PTDSS1: variants seen among roughly 807,000 people sequenced by gnomAD.
PTDSS1 encodes the protein phosphatidylserine synthase 1, also known as PSS-1.
A neutral mutation model predicts 70.5 loss-of-function variants in PTDSS1; 45 were observed. The observed-to-expected ratio is 0.64, with a 90% CI of 0.50 to 0.82. PTDSS1 has a LOEUF of 0.82. PTDSS1 is among the 40% of genes least tolerant of loss of function. The pLI is 0.00. For synonymous variants in PTDSS1, 188 were observed against 203.8 expected, an observed-to-expected ratio of 0.92 and a Z score of 0.66; for missense variants, 417 against 586.1, an observed-to-expected ratio of 0.71 and a Z score of 2.98.
At position 96,320,297 on chromosome 8, in the gene PTDSS1, C is replaced by G. The variant is rs1208833096; in HGVS notation, c.1125C>G (p.Leu375=). 1.9e-6 allele frequency: 3 copies of G among 1,613,516 alleles called. No homozygotes were observed. Among genetic ancestry groups the G allele is most frequent in the Non-Finnish European group, 1.7e-6 (2 of 1,179,562 alleles). ...AIVCIKFGQD[L]FSKTQILYVV... ...TTTGCATAAAATTTGGACAAGATCT[C>G]TTCTCTAAGACCCAAATACTCTATG... The change falls in exon 10 of 13, where the codon CTC becomes CTG. Residue 375 remains leucine (L), a synonymous_variant. Transcript: ENST00000517309.
chr8:96,335,726 AG>A lies in PTDSS1; in HGVS notation c.*2161del, dbSNP rs1298283246. ...TCTTTACTATAGTAGTTACAAAACCAGTGCTTTCCATGGCTGGCCAGAACCA... is the reference window on the plus strand; with the variant it reads ...TCTTTACTATAGTAGTTACAAAACCATGCTTTCCATGGCTGGCCAGAACCA... On this transcript the variant is annotated 3_prime_UTR_variant, in exon 13 of 13. Coordinates refer to ENST00000517309, the MANE Select transcript of PTDSS1 (RefSeq NM_014754.3). 9.2e-5 allele frequency: 14 copies of A among 152,218 alleles called. No individual in the cohort carries two copies. Among genetic ancestry groups the A allele is most frequent in the Admixed American group, 2.6e-4 (4 of 15,284 alleles). 9.4% of individuals were successfully genotyped at this position (152,218 alleles called of 1,614,324 possible). A position where few individuals can be genotyped will look rare whatever the true frequency, so the allele number is the denominator to read the frequency against.
chr8:96,285,161 G>A (rs1810803802), intron 3 of PTDSS1, among the ~76,000 whole-genome samples: 2 of 152,266 alleles, frequency 1.3e-5, no homozygotes, highest in African/African-American at 4.8e-5. Context: ...TTAGCTTGAG[G>A]AGTGATGGGA....
chr8:96,299,826 T>TA lies in PTDSS1; in HGVS notation c.734dup (p.Tyr245Ter). The change falls in exon 6 of 13, where the codon TAC (tyrosine) becomes TAAC (stop). Residue 245 changes from tyrosine (Y) to a stop codon, truncating the protein, a stop_gained and frameshift_variant. Transcript: ENST00000517309. LOFTEE classifies it high-confidence loss of function. ...VVCRFLEMRT[Y>*]HWASFKDIHT... ...TTGCCGGTTTTTAGAGATGAGGACTTACCACTGGGCAAGCTTCAAGTGAGT... is the reference window on the plus strand; with the variant it reads ...TTGCCGGTTTTTAGAGATGAGGACTTAACCACTGGGCAAGCTTCAAGTGAGT... The TA allele has an allele frequency of 6.2e-7, 1 of 1,613,424 alleles. No individual in the cohort carries two copies. Among genetic ancestry groups the TA allele is most frequent in the Non-Finnish European group, 8.5e-7 (1 of 1,179,864 alleles).
intron 6 of PTDSS1, among the ~76,000 whole-genome samples, chr8:96,300,290 T>G (rs951076096): frequency 2.0e-5 from 3 of 152,264 alleles, no homozygotes; most frequent in East Asian, 3.9e-4. Context: ...TCTTTGGTCA[T>G]GGTCAATACA....
intron 5 of PTDSS1, among the ~76,000 whole-genome samples, chr8:96,296,228 T>G (rs991100222): frequency 7.4e-6 from 1 of 135,134 alleles, no homozygotes; most frequent in Non-Finnish European, 1.5e-5. Context: ...AAGCTCCGCC[T>G]CCTGGGTTCA....
chr8:96,299,827 A>G lies in PTDSS1; in HGVS notation c.734A>G (p.Tyr245Cys). ...TGCCGGTTTTTAGAGATGAGGACTTACCACTGGGCAAGCTTCAAGTGAGTT... is the reference window on the plus strand; with the variant it reads ...TGCCGGTTTTTAGAGATGAGGACTTGCCACTGGGCAAGCTTCAAGTGAGTT... ...VVCRFLEMRT[Y>C]HWASFKDIHT... The change falls in exon 6 of 13, where the codon TAC becomes TGC. Residue 245 changes from tyrosine to cysteine, a missense_variant. Around this residue, in one of 3 missense-constraint regions of PTDSS1, gnomAD observed 272 missense variants for 429.5 expected, o/e 0.63. Coordinates refer to ENST00000517309, the MANE Select transcript of PTDSS1 (RefSeq NM_014754.3). 1 of 1,612,826 alleles carries G rather than the reference A, an allele frequency of 6.2e-7. No homozygotes were observed. Among genetic ancestry groups the G allele is most frequent in the Non-Finnish European group, 8.5e-7 (1 of 1,179,736 alleles).
intron 6 of PTDSS1, among the ~76,000 whole-genome samples, chr8:96,301,763 G>A (rs949004307): frequency 2.0e-5 from 3 of 151,598 alleles, no homozygotes; most frequent in African/African-American, 4.8e-5. Flanking sequence ...TGATCCGCCC[G>A]CCTCAGCCTC....
chr8:96,275,871 AT>A (rs886409910), intron 2 of PTDSS1, among the ~76,000 whole-genome samples: 5 of 152,180 alleles, frequency 3.3e-5, no homozygotes, highest in African/African-American at 1.2e-4. Context: ...TGCCATGACC[AT>A]TATTGGTCTG....
At chr8:96,276,989 CA>C (rs1810657566) in intron 2 of PTDSS1, among the ~76,000 whole-genome samples, 1 of 151,172 alleles carries the variant, frequency 6.6e-6, no homozygotes, top group Non-Finnish European at 1.5e-5. Flanking sequence ...CGCACACACA[CA>C]CACACACACA....
At chr8:96,272,924 C>T (rs1191058375) in intron 1 of PTDSS1, among the ~76,000 whole-genome samples, 1 of 152,162 alleles carries the variant, frequency 6.6e-6, no homozygotes, top group Non-Finnish European at 1.5e-5. Flanking sequence ...AGCCAGAAGG[C>T]ATCACAGGTA....
In PTDSS1 at chr8:96,262,927, C is replaced by T. The variant is rs1044177617; in HGVS notation, c.179+708C>T. 1.4e-4 allele frequency among the ~76,000 whole-genome samples: 21 copies of T among 152,172 alleles called. No individual in the cohort carries two copies. The highest frequency in any genetic ancestry group is 5.1e-4 in the African/African-American group (21 of 41,424). On this transcript the variant is annotated intron_variant, in intron 1 of 12. Coordinates refer to ENST00000517309, the MANE Select transcript of PTDSS1 (RefSeq NM_014754.3). The surrounding 1 kb of genome is among the most constrained non-coding windows in gnomAD (Gnocchi z 4.4). ...CTTTCCTTTCCAGCACAGCCCAATA[C>T]CCATCATCTGTGTACATGGCTGCAC...
intron 7 of PTDSS1, among the ~76,000 whole-genome samples, chr8:96,305,473 G>T (rs79093443): frequency 6.6e-6 from 1 of 152,054 alleles, no homozygotes; most frequent in Non-Finnish European, 1.5e-5. Flanking sequence ...GAGCAGCCAC[G>T]TCCCAGCCAC....
At chr8:96,310,905 A>G (rs1393494486) in intron 9 of PTDSS1, among the ~76,000 whole-genome samples, 1 of 151,928 alleles carries the variant, frequency 6.6e-6, no homozygotes, top group African/African-American at 2.4e-5. Flanking sequence ...AGCTGGGACT[A>G]CAGGCGCGTG....
chr8:96,309,483 C>T, intron 8 of PTDSS1, 74 bp from the exon 9 acceptor site: 1 of 1,410,364 alleles, frequency 7.1e-7, no homozygotes, highest in Non-Finnish European at 1.0e-6. Flanking sequence ...TTTACTTTGT[C>T]AAAGTGATTT....
At chr8:96,316,863 A>G (rs902068011) in intron 9 of PTDSS1, among the ~76,000 whole-genome samples, 8 of 151,926 alleles carry the variant, frequency 5.3e-5, no homozygotes, top group African/African-American at 1.9e-4. Flanking sequence ...GTGTGGTGGC[A>G]CACGCCTGTA....
At chr8:96,275,353 G>A (rs549057504) in intron 2 of PTDSS1, among the ~76,000 whole-genome samples, 1 of 152,198 alleles carries the variant, frequency 6.6e-6, no homozygotes, top group East Asian at 1.9e-4. Flanking sequence ...TAGAGATGGG[G>A]TCTCACTATG....
intron 6 of PTDSS1, 44 bp downstream of exon 6, chr8:96,299,889 T>C (rs1811028122): frequency 3.2e-6 from 5 of 1,570,358 alleles, no homozygotes; most frequent in Non-Finnish European, 8.6e-7. Flanking sequence ...TTTTTCATGA[T>C]ATATATTTAA....
At chr8:96,286,439 A>C (rs1810823607) in intron 3 of PTDSS1, among the ~76,000 whole-genome samples, 1 of 152,192 alleles carries the variant, frequency 6.6e-6, no homozygotes, top group East Asian at 1.9e-4. Context: ...GTCTCAAAAA[A>C]GTGGCCCTGG....
At chr8:96,312,906 A>G (rs1586203872) in intron 9 of PTDSS1, among the ~76,000 whole-genome samples, 1 of 152,180 alleles carries the variant, frequency 6.6e-6, no homozygotes, top group African/African-American at 2.4e-5. Context: ...CAAAACAGAA[A>G]ACACTGAAGT....
Sources: allele counts gnomAD v4.1 joint callset (sites outside exome capture counted in the v4.1 genomes callset), GRCh38; gene constraint gnomAD v4.1.1; regional missense constraint gnomAD v4.1.1; non-coding constraint Gnocchi (gnomAD v3.1); transcripts MANE v1.5; gene names NCBI Gene and HGNC (gene_info 2026-07-23, HGNC 2026-07-21).